Variants in PTPRN2 observed in about 807,000 individuals in gnomAD.
The protein encoded by PTPRN2 is receptor-type tyrosine-protein phosphatase N2.
PTPRN2 carries 74 observed loss-of-function variants against 118.8 expected under a neutral mutation model. The ratio of observed to expected loss-of-function variants is 0.62; its 90% CI spans 0.52 to 0.76. The LOEUF is 0.76. PTPRN2 is among the 30% of genes least tolerant of loss of function. The pLI is 0.00. For missense variants in PTPRN2, 1,481 were observed against 1,394.4 expected, an observed-to-expected ratio of 1.06 and a Z score of -0.99; for synonymous variants, 641 against 608.0, an observed-to-expected ratio of 1.05 and a Z score of -0.80.
In PTPRN2 at chr7:157,764,659, T is replaced by A. The variant is rs570763140; in HGVS notation, c.1789-81722A>T. ...GCAGATAGTGATGATGGTTGCACAG[T>A]ATTTTGAATGTAAATACTACCACTA... On this transcript the variant is annotated intron_variant, in intron 12 of 22. Transcript: ENST00000389418. This position sits in a 1 kb window ranked among gnomAD's most constrained non-coding sequence, Gnocchi z 4.5. Among the ~76,000 whole-genome samples the A allele has an allele frequency of 6.6e-6, 1 of 152,214 alleles. No individual in the cohort carries two copies. Among genetic ancestry groups the A allele is most frequent in the Non-Finnish European group, 1.5e-5 (1 of 68,040 alleles).
intron 11 of PTPRN2, among the ~76,000 whole-genome samples, chr7:157,984,250 TCCCCACGCCAGGCTCCAC>T (rs1803548120): frequency 1.9e-5 from 1 of 53,216 alleles, no homozygotes; most frequent in African/African-American, 8.3e-5. Flanking sequence ...AGGCTCCACC[TCCCCACGCCAGGCTCCAC>T]CCCCCACGCC....
intron 12 of PTPRN2, among the ~76,000 whole-genome samples, chr7:157,835,738 T>C (rs1024377806): frequency 6.6e-6 from 1 of 152,070 alleles, no homozygotes; most frequent in African/African-American, 2.4e-5. Flanking sequence ...TGGGGGAAGG[T>C]CCTAGTTTAT....
chr7:158,151,518 C>CGCCCGCCTTTCTATTCCTGCCTCTCCCT (rs1821150848), intron 6 of PTPRN2, among the ~76,000 whole-genome samples: 4 of 58,478 alleles, frequency 6.8e-5, no homozygotes, highest in Non-Finnish European at 1.3e-4. Flanking sequence ...TGCTCCTCAC[C>CGCCCGCCTTTCTATTCCTGCCTCTCCCT]GCACGTCCTA....
At chr7:158,055,029 G>C (rs1437799018) in intron 11 of PTPRN2, among the ~76,000 whole-genome samples, 1 of 152,180 alleles carries the variant, frequency 6.6e-6, no homozygotes, top group African/African-American at 2.4e-5. Flanking sequence ...AAGAGACTGA[G>C]GGCACGAACT....
intron 3 of PTPRN2, among the ~76,000 whole-genome samples, chr7:158,314,861 C>T (rs1802167102): frequency 6.7e-6 from 1 of 149,382 alleles, no homozygotes; most frequent in East Asian, 1.9e-4. Flanking sequence ...CCCGGAACCC[C>T]TGTAGGACAG....
In PTPRN2 at chr7:157,621,327, A is replaced by G. The variant is rs745766565; in HGVS notation, c.2344+35T>C. ...AGCACGGCCAGTTTCCACCGCCCGT[A>G]ACCCAGGCTTCCTGCCCCCGGGGCT... On this transcript the variant is annotated intron_variant, in intron 15 of 22. Coordinates refer to ENST00000389418, the MANE Select transcript of PTPRN2 (RefSeq NM_002847.5). 1.9e-5 allele frequency: 30 copies of G among 1,597,042 alleles called. No individual in the cohort carries two copies. The South Asian group carries it at 3.1e-4, about 17-fold the overall frequency.
chr7:157,551,570 C>T (rs1202280103), intron 21 of PTPRN2, among the ~76,000 whole-genome samples: 1 of 147,820 alleles, frequency 6.8e-6, no homozygotes, highest in Non-Finnish European at 1.5e-5. Flanking sequence ...ACGCACCCCA[C>T]AGCCATCACA....
At chr7:157,958,300 G>C (rs1201513823) in intron 11 of PTPRN2, among the ~76,000 whole-genome samples, 1 of 152,148 alleles carries the variant, frequency 6.6e-6, no homozygotes, top group African/African-American at 2.4e-5. Context: ...TAACACTCCA[G>C]GGTAAAAGAT....
At chr7:158,547,764 A>G (rs10156201) in intron 1 of PTPRN2, among the ~76,000 whole-genome samples, 76,671 of 152,024 alleles carry the variant, frequency 0.5, 19,582 homozygotes, top group South Asian at 0.68. Context: ...TCAGCCCCCC[A>G]CCGTACCCCC....
rs150797596 is a variant in PTPRN2 at position 158,310,645 on chromosome 7, C to T, written c.277+6174G>A. On this transcript the variant is annotated intron_variant, in intron 3 of 22. Transcript: ENST00000389418. ...CCTGCGCAGCCTGAGCCAGACAGAG[C>T]GCAAATCCCACGGAGGGCGAGCCCT... is the stretch of plus-strand genomic sequence containing the variant. 8.5e-3 allele frequency among the ~76,000 whole-genome samples: 1,286 copies of T among 152,022 alleles called. 24 individuals carry two copies. Among genetic ancestry groups the T allele is most frequent in the African/African-American group, 0.029 (1,198 of 41,426 alleles).
At chr7:157,660,088 G>A (rs965279458) in intron 13 of PTPRN2, among the ~76,000 whole-genome samples, 1 of 152,124 alleles carries the variant, frequency 6.6e-6, no homozygotes, top group Non-Finnish European at 1.5e-5. Flanking sequence ...TTTGCTTGAC[G>A]TGGGGGAAAA....
chr7:157,806,520 A>G (rs997739073), intron 12 of PTPRN2, among the ~76,000 whole-genome samples: 1 of 152,216 alleles, frequency 6.6e-6, no homozygotes, highest in Non-Finnish European at 1.5e-5. Context: ...CAATAGATGC[A>G]TATACGTGTA....
chr7:158,288,132 T>C (rs1373736286), intron 3 of PTPRN2, among the ~76,000 whole-genome samples: 2 of 152,178 alleles, frequency 1.3e-5, no homozygotes, highest in African/African-American at 4.8e-5. Flanking sequence ...CTTTTGGTCT[T>C]CATTTGCATG....
chr7:157,658,410 G>T (rs552848329), intron 13 of PTPRN2, among the ~76,000 whole-genome samples: 1 of 152,194 alleles, frequency 6.6e-6, no homozygotes, highest in Non-Finnish European at 1.5e-5. Context: ...AGAAGTTCCC[G>T]TATTTAAAGG....
chr7:157,978,578 T>C lies in PTPRN2; in HGVS notation c.1724-79841A>G, dbSNP rs1802915617. On this transcript the variant is annotated intron_variant, in intron 11 of 22. Transcript: ENST00000389418. ...GAAAAGGTCTTAATGCTGGCATCTT[T>C]AACAAACCCTTCAAAGTCACAAACA... Among the ~76,000 whole-genome samples, 3 of 151,966 alleles carry C rather than the reference T, an allele frequency of 2.0e-5. No individual in the cohort carries two copies. The South Asian group carries it at 6.2e-4, about 32-fold the overall frequency.
chr7:158,018,919 GACTGC>G (rs150506899), intron 11 of PTPRN2, among the ~76,000 whole-genome samples: 1 of 133,284 alleles, frequency 7.5e-6, no homozygotes, highest in East Asian at 2.2e-4. Flanking sequence ...GAGATCATGC[GACTGC>G]ACTCCAGCCT....
rs542039135 is a variant in PTPRN2, at chr7:157,676,037, G to A, written c.2001+6688C>T. ...CCTCTTGGGGTCACTCAGCCACACC[G>A]AGCCATGGACCGTCCCTTGGAGCGC... is the stretch of plus-strand genomic sequence containing the variant. On this transcript the variant is annotated intron_variant, in intron 13 of 22. Coordinates refer to ENST00000389418, the MANE Select transcript of PTPRN2 (RefSeq NM_002847.5). This position sits in a 1 kb window ranked among gnomAD's most constrained non-coding sequence, Gnocchi z 5.6. Among the ~76,000 whole-genome samples, 7 of 152,232 alleles carry A rather than the reference G, an allele frequency of 4.6e-5. 1 individual carries two copies. The highest frequency in any genetic ancestry group is 4.1e-4 in the South Asian group (2 of 4,822).
At chr7:158,167,390 A>G in intron 5 of PTPRN2, 99 bp from the exon 6 acceptor site, 1 of 1,427,796 alleles carries the variant, frequency 7.0e-7, no homozygotes, top group Non-Finnish European at 9.3e-7. Context: ...GGTCCTAAAC[A>G]GCCCTGGGGG....
intron 12 of PTPRN2, among the ~76,000 whole-genome samples, chr7:157,804,948 G>A (rs1203232933): frequency 1.3e-5 from 2 of 152,136 alleles, no homozygotes; most frequent in Admixed American, 6.6e-5. Flanking sequence ...TTACCCTCTC[G>A]CCATGCAGTG....
Sources: allele counts gnomAD v4.1 joint callset (sites outside exome capture counted in the v4.1 genomes callset), GRCh38; gene constraint gnomAD v4.1.1; non-coding constraint Gnocchi (gnomAD v3.1); transcripts MANE v1.5; gene names NCBI Gene and HGNC (gene_info 2026-07-23, HGNC 2026-07-21).